The following HDAC9 variants were observed in gnomAD, a reference collection of about 807,000 sequenced individuals.
HDAC9 encodes the protein MEF-2 interacting transcription repressor (MITR) protein.
Under a neutral mutation model 139.4 loss-of-function variants are expected in HDAC9, and 41 were observed. The observed-to-expected ratio is 0.29, with a 90% CI of 0.23 to 0.38. The LOEUF (loss-of-function observed/expected upper bound fraction) is 0.38. Among genes scored for constraint, HDAC9 ranks in the 10% least tolerant of loss-of-function variants. The pLI is 1.00. For missense variants in HDAC9, 1,147 were observed against 1,297.0 expected (o/e 0.88, Z 1.78); for synonymous variants, 517 against 476.2 (o/e 1.09, Z -1.12).
chr7:18,663,472 T>G (rs1429256539), intron 11 of HDAC9, among the ~76,000 whole-genome samples: 2 of 152,020 alleles, frequency 1.3e-5, no homozygotes, highest in Non-Finnish European at 2.9e-5. Context: ...CACCCCCCAG[T>G]AAGCAGGGAC....
intron 6 of HDAC9, among the ~76,000 whole-genome samples, chr7:18,610,641 CTT>C (rs2128907426): frequency 6.6e-6 from 1 of 152,298 alleles, no homozygotes; most frequent in South Asian, 2.1e-4. Context: ...GATGTATAAA[CTT>C]TTCTGTTTAG....
chr7:18,502,853 G>T (rs916089314), intron 2 of HDAC9, among the ~76,000 whole-genome samples: 3 of 152,052 alleles, frequency 2.0e-5, no homozygotes, highest in Non-Finnish European at 4.4e-5. Flanking sequence ...TATTATAAAC[G>T]TGAATAGAGT....
rs1349454445 is a variant in HDAC9 at position 18,933,356 on chromosome 7, A to T, written c.2804-2453A>T. Reference sequence around the variant, plus strand: ...TTTACGAGGACTCTACCTAATCTGGATTAAAGAGTGCCAACTTCTCCTTGG... The same window carrying T: ...TTTACGAGGACTCTACCTAATCTGGTTTAAAGAGTGCCAACTTCTCCTTGG... On this transcript the variant is annotated intron_variant, in intron 22 of 25. Coordinates refer to ENST00000686413, the MANE Select transcript of HDAC9 (RefSeq NM_178425.4). Among the ~76,000 whole-genome samples, 20 of 152,016 alleles carry T rather than the reference A, an allele frequency of 1.3e-4. 1 individual carries two copies. The highest frequency in any genetic ancestry group is 1.2e-3 in the Admixed American group (19 of 15,252).
rs181626916 is a variant in HDAC9, at chr7:18,471,888, T to C, written c.-41-24374T>C. On this transcript the variant is annotated intron_variant, in intron 1 of 3. Coordinates refer to the HDAC9 transcript ENST00000413509. ...TAGGAAGATGCAACTAGTTTAGATATGTTGATTTTGGTGCCTTTAAGAAAA... is the reference window on the plus strand; with the variant it reads ...TAGGAAGATGCAACTAGTTTAGATACGTTGATTTTGGTGCCTTTAAGAAAA... Among the ~76,000 whole-genome samples the C allele has an allele frequency of 1.6e-4, 25 of 152,274 alleles. No homozygotes were observed. The East Asian group carries it at 4.8e-3, about 29-fold the overall frequency.
intron 17 of HDAC9, among the ~76,000 whole-genome samples, chr7:18,795,771 A>T (rs1211678364): frequency 1.3e-5 from 2 of 152,224 alleles, no homozygotes; most frequent in Non-Finnish European, 2.9e-5. Context: ...TAACTGAGGT[A>T]GACAGCCATG....
intron 21 of HDAC9, among the ~76,000 whole-genome samples, chr7:18,857,335 TTGTG>T (rs375575248): frequency 2.0e-4 from 28 of 140,974 alleles, no homozygotes; most frequent in Non-Finnish European, 3.4e-4. Context: ...TATGTTTTAG[TTGTG>T]TGTGTGTGTG....
chr7:18,518,226 C>T (rs754262441), intron 2 of HDAC9, among the ~76,000 whole-genome samples: 21 of 152,146 alleles, frequency 1.4e-4, no homozygotes, highest in Non-Finnish European at 2.9e-4. Flanking sequence ...CTTCTAATGA[C>T]TCATTTATTT....
intron 1 of HDAC9, among the ~76,000 whole-genome samples, chr7:18,103,835 A>G (rs1022578184): frequency 1.3e-5 from 1 of 79,684 alleles, no homozygotes; most frequent in Non-Finnish European, 3.0e-5. Flanking sequence ...ATCGGAATAA[A>G]TGTGAGCTAT....
At chr7:18,337,523 A>C (rs1024459981) in intron 1 of HDAC9, among the ~76,000 whole-genome samples, 7 of 151,666 alleles carry the variant, frequency 4.6e-5, no homozygotes, top group Non-Finnish European at 7.4e-5. Flanking sequence ...TGTTTTTTAC[A>C]TTTGGATTCT....
intron 16 of HDAC9, among the ~76,000 whole-genome samples, chr7:18,778,421 C>T (rs575222719): frequency 3.8e-4 from 58 of 152,106 alleles, no homozygotes; most frequent in African/African-American, 1.3e-3. Flanking sequence ...CCTACTGAGT[C>T]AGAGTTAATT....
intron 17 of HDAC9, among the ~76,000 whole-genome samples, chr7:18,796,496 C>T (rs1026475345): frequency 2.6e-5 from 4 of 152,166 alleles, no homozygotes; most frequent in African/African-American, 9.7e-5. Context: ...TATTTTTTGG[C>T]ACAGCATAGA....
chr7:18,594,004 G>T lies in HDAC9; in HGVS notation c.639G>T (p.Lys213Asn), dbSNP rs977180312. 6.2e-7 allele frequency: 1 copy of T among 1,612,658 alleles called. No individual in the cohort carries two copies. ...KYTLPGAQDA[K>N]DDFPLRKTAS... is the part of the protein sequence containing the mutation. ...CATTACCAGGAGCACAAGATGCAAA[G>T]GATGATTTCCCCCTTCGAAAAACTG... Residue 213 changes from lysine (K) to asparagine (N), a missense_variant, in exon 6 of 26, where the codon AAG (lysine) becomes AAT (asparagine). By Grantham distance (94) the Lys-to-Asn change is moderately conservative. Coordinates refer to ENST00000686413, the MANE Select transcript of HDAC9 (RefSeq NM_178425.4).
intron 22 of HDAC9, among the ~76,000 whole-genome samples, chr7:18,905,120 G>A (rs1478524151): frequency 6.2e-5 from 9 of 145,318 alleles, no homozygotes; most frequent in African/African-American, 1.0e-4. Context: ...CAAACTCTTC[G>A]CCTCAAGTGA....
intron 2 of HDAC9, among the ~76,000 whole-genome samples, chr7:18,538,943 G>A (rs1811797404): frequency 6.6e-6 from 1 of 152,140 alleles, no homozygotes; most frequent in Non-Finnish European, 1.5e-5. Context: ...TGATGCAGAG[G>A]CTATCACATG....
chr7:18,191,010 A>T (rs534048816), intron 2 of HDAC9, among the ~76,000 whole-genome samples: 1 of 152,194 alleles, frequency 6.6e-6, no homozygotes, highest in East Asian at 1.9e-4. Context: ...CAGGGATCAA[A>T]CTATAGTTGA....
Position 18,593,933 on chromosome 7 carries a change from C to G in HDAC9, c.568C>G (p.Gln190Glu). 3.7e-6 allele frequency: 6 copies of G among 1,612,878 alleles called. No homozygotes were observed. The highest frequency in any genetic ancestry group is 5.1e-6 in the Non-Finnish European group (6 of 1,179,068). ...GGCTGCCCACCACACATCATTGGAT[C>G]AAAGCTCTCCACCCCTTAGTGGAAC... is the stretch of plus-strand genomic sequence containing the variant. ...YTAAHHTSLDQSSPPLSGTSP... is the reference protein window; with the variant it reads ...YTAAHHTSLDESSPPLSGTSP... Residue 190 changes from glutamine (Q) to glutamate (E), a missense_variant, in exon 6 of 26, where the codon CAA becomes GAA. Physicochemically the swap from Gln to Glu is conservative, Grantham distance 29. Transcript: ENST00000686413.
At chr7:18,127,987 T>G (rs1784776524) in intron 1 of HDAC9, among the ~76,000 whole-genome samples, 1 of 152,176 alleles carries the variant, frequency 6.6e-6, no homozygotes, top group African/African-American at 2.4e-5. Context: ...ATATTTTCAC[T>G]TAGTAAAAGG....
chr7:18,194,077 C>T (rs1190712452), intron 2 of HDAC9, among the ~76,000 whole-genome samples: 4 of 152,096 alleles, frequency 2.6e-5, no homozygotes, highest in African/African-American at 9.7e-5. Flanking sequence ...GAGGTCGGTC[C>T]AAGCCAAAGA....
At chr7:18,105,780 G>A (rs1783156217) in intron 1 of HDAC9, among the ~76,000 whole-genome samples, 2 of 151,932 alleles carry the variant, frequency 1.3e-5, no homozygotes, top group African/African-American at 4.8e-5. Flanking sequence ...ATGTATATAT[G>A]ATTATTCATG....
Sources: allele counts gnomAD v4.1 joint callset (sites outside exome capture counted in the v4.1 genomes callset), GRCh38; gene constraint gnomAD v4.1.1; transcripts MANE v1.5; gene names NCBI Gene and HGNC (gene_info 2026-07-23, HGNC 2026-07-21).